Variants in INPP4B observed in about 807,000 individuals in gnomAD.
INPP4B encodes inositol polyphosphate 4-phosphatase type II.
In INPP4B, 55 loss-of-function variants were observed where a neutral mutation model predicts 122.5. That is an observed-to-expected ratio of 0.45 (90% confidence interval 0.36 to 0.56). The LOEUF (loss-of-function observed/expected upper bound fraction) is 0.56, where lower values mean the gene tolerates loss of function less well. INPP4B is among the 20% of genes least tolerant of loss of function. The probability of loss-of-function intolerance (pLI) is 0.00; values close to 1 mark genes in which losing one functional copy is unlikely to be tolerated. For missense variants in INPP4B, 1,000 were observed against 1,097.7 expected (o/e 0.91, Z 1.26); for synonymous variants, 403 against 388.7 (o/e 1.04, Z -0.43).
At chr4:142,456,374 T>C (rs963719105) in intron 3 of INPP4B, among the ~76,000 whole-genome samples, 16 of 151,986 alleles carry the variant, frequency 1.1e-4, no homozygotes, top group Admixed American at 2.6e-4. Context: ...AATATACAGT[T>C]TTTCCAGCCT....
At chr4:142,142,677 A>G (rs1007424379) in intron 18 of INPP4B, among the ~76,000 whole-genome samples, 33 of 152,268 alleles carry the variant, frequency 2.2e-4, no homozygotes, top group African/African-American at 6.0e-4. Flanking sequence ...ATCAATCTGA[A>G]TAAGAGAGAA....
chr4:142,481,439 C>CATGGAGTG (rs1311645270), intron 2 of INPP4B, among the ~76,000 whole-genome samples: 1 of 152,100 alleles, frequency 6.6e-6, no homozygotes, highest in Non-Finnish European at 1.5e-5. Context: ...TGAGAGGAAT[C>CATGGAGTG]CCTCTAATGA....
At chr4:142,620,467 C>T (rs1046539197) in intron 2 of INPP4B, among the ~76,000 whole-genome samples, 3 of 151,868 alleles carry the variant, frequency 2.0e-5, no homozygotes, top group African/African-American at 7.3e-5. Flanking sequence ...TACACACACA[C>T]ACAAAGAAGG....
intron 15 of INPP4B, among the ~76,000 whole-genome samples, chr4:142,188,063 T>C (rs1366160196): frequency 6.6e-6 from 1 of 152,208 alleles, no homozygotes; most frequent in Non-Finnish European, 1.5e-5. Context: ...ATTACAAGTA[T>C]GATTTTAATC....
At chr4:142,468,564 C>G (rs998629450) in intron 2 of INPP4B, among the ~76,000 whole-genome samples, 1 of 152,112 alleles carries the variant, frequency 6.6e-6, no homozygotes, top group Non-Finnish European at 1.5e-5. Context: ...ATTAATGCCC[C>G]TCTCCGGGGA....
chr4:142,126,696 A>G (rs1798766599), intron 18 of INPP4B, among the ~76,000 whole-genome samples: 1 of 152,120 alleles, frequency 6.6e-6, no homozygotes, highest in Admixed American at 6.6e-5. Flanking sequence ...AAATGTGAAC[A>G]ATGGTTCAAT....
At chr4:142,839,208 A>C (rs1448702118) in intron 1 of INPP4B, among the ~76,000 whole-genome samples, 3 of 152,230 alleles carry the variant, frequency 2.0e-5, no homozygotes, top group African/African-American at 7.2e-5. Flanking sequence ...CTGTAGTCCC[A>C]TCACTTTTGG....
At chr4:142,147,463 T>C (rs1343065593) in intron 17 of INPP4B, among the ~76,000 whole-genome samples, 2 of 152,152 alleles carry the variant, frequency 1.3e-5, no homozygotes, top group Non-Finnish European at 2.9e-5. Context: ...ACAGGTAATT[T>C]TGGATCCTTA....
intron 9 of INPP4B, among the ~76,000 whole-genome samples, chr4:142,293,844 T>C (rs1330116249): frequency 6.6e-6 from 1 of 152,266 alleles, no homozygotes; most frequent in Non-Finnish European, 1.5e-5. Context: ...TTTAGGATGG[T>C]ATCCTCAGTA....
chr4:142,338,455 G>A (rs1223679873), intron 7 of INPP4B, among the ~76,000 whole-genome samples: 2 of 152,064 alleles, frequency 1.3e-5, no homozygotes, highest in Non-Finnish European at 2.9e-5. Context: ...AGCTAGGATG[G>A]TCTCGATCTC....
chr4:142,463,217 T>C (rs1423093939), intron 2 of INPP4B, among the ~76,000 whole-genome samples: 1 of 152,246 alleles, frequency 6.6e-6, no homozygotes, highest in African/African-American at 2.4e-5. Context: ...TAGGCTATGC[T>C]GTTTCAGTTG....
At chr4:142,485,035 T>A (rs974266800) in intron 2 of INPP4B, among the ~76,000 whole-genome samples, 1 of 152,096 alleles carries the variant, frequency 6.6e-6, no homozygotes, top group African/African-American at 2.4e-5. Context: ...CATCAGAGAA[T>A]CCCTGTTCTG....
At chr4:142,726,245 C>G (rs897260437) in intron 1 of INPP4B, among the ~76,000 whole-genome samples, 1 of 152,158 alleles carries the variant, frequency 6.6e-6, no homozygotes, top group East Asian at 1.9e-4. Flanking sequence ...TAAGCAATGT[C>G]AGGACAGAAC....
At chr4:142,323,619 G>C (rs1289145381) in intron 7 of INPP4B, among the ~76,000 whole-genome samples, 1 of 151,736 alleles carries the variant, frequency 6.6e-6, no homozygotes, top group African/African-American at 2.4e-5. Flanking sequence ...CTAATTTTTT[G>C]TATTTTTAGT....
chr4:142,820,904 C>A (rs1041046249), intron 1 of INPP4B, among the ~76,000 whole-genome samples: 2 of 152,072 alleles, frequency 1.3e-5, no homozygotes, highest in African/African-American at 4.8e-5. Context: ...ATTTATTTAG[C>A]TTAGTCCGAG....
At chr4:142,323,329 A>T (rs1459252592) in intron 7 of INPP4B, among the ~76,000 whole-genome samples, 1 of 152,164 alleles carries the variant, frequency 6.6e-6, no homozygotes, top group Non-Finnish European at 1.5e-5. Context: ...ATGTTTGAGA[A>T]GCTCTGGTTT....
At chr4:142,554,866 C>T (rs1728803573) in intron 2 of INPP4B, among the ~76,000 whole-genome samples, 1 of 152,176 alleles carries the variant, frequency 6.6e-6, no homozygotes, top group Non-Finnish European at 1.5e-5. Flanking sequence ...ATGCATTAAA[C>T]ATACCATGTT....
intron 11 of INPP4B, among the ~76,000 whole-genome samples, chr4:142,252,072 T>G (rs1253564761): frequency 6.6e-6 from 1 of 152,222 alleles, no homozygotes; most frequent in African/African-American, 2.4e-5. Flanking sequence ...TCTTGAAGAC[T>G]TCCTCATTTG....
intron 2 of INPP4B, among the ~76,000 whole-genome samples, chr4:142,484,704 C>T (rs1047378595): frequency 1.2e-4 from 18 of 152,016 alleles, no homozygotes; most frequent in African/African-American, 4.1e-4. Context: ...ATTATTTCAT[C>T]ACCTAGGTAT....
Sources: allele counts gnomAD v4.1 joint callset (sites outside exome capture counted in the v4.1 genomes callset), GRCh38; gene constraint gnomAD v4.1.1; transcripts MANE v1.5; gene names NCBI Gene and HGNC (gene_info 2026-07-23, HGNC 2026-07-21).